CHIC1: variants seen among roughly 807,000 people sequenced by gnomAD.
The protein encoded by CHIC1 is cysteine-rich hydrophobic domain-containing protein 1.
Under a neutral mutation model 18.5 loss-of-function variants are expected in CHIC1, and 7 were observed. The observed-to-expected ratio is 0.38, with a 90% CI of 0.22 to 0.71. The LOEUF is 0.71. CHIC1 is among the 30% of genes least tolerant of loss of function. The pLI, the probability that CHIC1 is intolerant of heterozygous loss-of-function variation, is 0.49. For synonymous variants in CHIC1, 77 were observed against 73.5 expected, an observed-to-expected ratio of 1.05 and a Z score of -0.25; for missense variants, 159 against 176.9, an observed-to-expected ratio of 0.90 and a Z score of 0.57.
intron 3 of CHIC1, among the ~76,000 whole-genome samples, chrX:73,617,573 C>A (rs2057738502): frequency 8.9e-6 from 1 of 111,950 alleles, no homozygotes; most frequent in Non-Finnish European, 1.9e-5. Context: ...CACAGTTCTA[C>A]ATGGCTAGGA....
At chrX:73,625,480 A>G (rs1190638145) in intron 3 of CHIC1, among the ~76,000 whole-genome samples, 1 of 111,489 alleles carries the variant, frequency 9.0e-6, no homozygotes, top group Non-Finnish European at 1.9e-5. Context: ...TTGCAGTGAC[A>G]TTTAATCAAA....
intron 2 of CHIC1, among the ~76,000 whole-genome samples, chrX:73,583,366 A>G (rs2057536548): frequency 9.0e-6 from 1 of 111,453 alleles, no homozygotes; most frequent in Non-Finnish European, 1.9e-5. Context: ...CAAAAATGTA[A>G]TAAATTGATT....
At chrX:73,654,704 C>T (rs1339389388) in intron 3 of CHIC1, among the ~76,000 whole-genome samples, 2 of 111,861 alleles carry the variant, frequency 1.8e-5, no homozygotes, top group Non-Finnish European at 3.8e-5. Context: ...GAATGAATCA[C>T]ATTTCACATT....
chrX:73,594,600 G>A (rs1272763738), intron 3 of CHIC1, among the ~76,000 whole-genome samples: 1 of 112,171 alleles, frequency 8.9e-6, no homozygotes, highest in African/African-American at 3.2e-5. Context: ...ACTCAGTAGT[G>A]TGCCTCTTTT....
At chrX:73,679,597 A>G (rs1267131706) in intron 4 of CHIC1, 57 bp from the exon 5 acceptor site, 1 of 755,785 alleles carries the variant, frequency 1.3e-6, no homozygotes, top group Non-Finnish European at 1.9e-6. Flanking sequence ...TCAAATGTAT[A>G]GGTTGTAATT....
chrX:73,671,694 G>C (rs2058031207), intron 3 of CHIC1, among the ~76,000 whole-genome samples: 1 of 107,521 alleles, frequency 9.3e-6, no homozygotes, highest in Non-Finnish European at 1.9e-5. Flanking sequence ...AATCTTGTTT[G>C]TTATCTTATA....
intron 3 of CHIC1, among the ~76,000 whole-genome samples, chrX:73,672,889 A>G (rs1280276841): frequency 3.6e-5 from 4 of 111,774 alleles, no homozygotes; most frequent in African/African-American, 9.8e-5. Flanking sequence ...TAGGGTTTCT[A>G]TGGTTTTAGG....
intron 3 of CHIC1, among the ~76,000 whole-genome samples, chrX:73,604,225 A>G (rs1229057026): frequency 9.6e-6 from 1 of 103,630 alleles, no homozygotes; most frequent in Non-Finnish European, 1.9e-5. Context: ...TTCCTGGTTT[A>G]GTCTTGGGGG....
intron 3 of CHIC1, among the ~76,000 whole-genome samples, chrX:73,661,288 C>A (rs185407172): frequency 3.6e-5 from 4 of 112,323 alleles, no homozygotes; most frequent in Non-Finnish European, 1.9e-5. Context: ...GATACATGAA[C>A]ATATCTTAGT....
In CHIC1 at chrX:73,682,540, C is replaced by G. The variant is rs1304701427; in HGVS notation, c.*1535C>G. 1 of 111,857 alleles carries G rather than the reference C, an allele frequency of 8.9e-6. No homozygotes were observed. The highest frequency in any genetic ancestry group is 9.5e-5 in the Admixed American group (1 of 10,481). The allele number at this position is 111,857 out of a possible 1,213,427, so 9.2% of individuals were successfully genotyped here. On this transcript the variant is annotated 3_prime_UTR_variant, in exon 6 of 6. Transcript: ENST00000373502. ...GAACAATCATTTCTTCATAGAAGGT[C>G]AAGCCTTTTTAAGCCACTCTTAAAA...
In CHIC1 at chrX:73,563,567, G is replaced by T; in HGVS notation, c.283G>T (p.Gly95Cys). The stretch of plus-strand genomic sequence containing the variant: ...CGACCCTGTATTAGTGCGGGGTGCC[G>T]GCCACATCACTGTGTAAGCGAGAGG... ...APDPVLVRGA[G>C]HITVFGLSNK... Residue 95 changes from glycine to cysteine, a missense_variant, in exon 1 of 6, where the codon GGC (glycine) becomes TGC (cysteine). Transcript: ENST00000373502. 1 of 1,103,475 alleles carries T rather than the reference G, an allele frequency of 9.1e-7. No homozygotes were observed. The highest frequency in any genetic ancestry group is 1.2e-6 in the Non-Finnish European group (1 of 841,556). The allele number at this position is 1,103,475 out of a possible 1,213,427, so 90.9% of individuals were successfully genotyped here. A position where few individuals can be genotyped will look rare whatever the true frequency, so the allele number is the denominator to read the frequency against.
intron 3 of CHIC1, among the ~76,000 whole-genome samples, chrX:73,656,983 T>C (rs1421354903): frequency 9.0e-6 from 1 of 111,154 alleles, no homozygotes; most frequent in African/African-American, 3.3e-5. Flanking sequence ...CTTTGAGCAG[T>C]GTTTTGTAGC....
intron 3 of CHIC1, among the ~76,000 whole-genome samples, chrX:73,626,782 T>A (rs927165162): frequency 9.0e-6 from 1 of 111,367 alleles, no homozygotes; most frequent in Non-Finnish European, 1.9e-5. Context: ...TCTCTGTTTC[T>A]CCAGGTTTGG....
At chrX:73,649,598 AT>A (rs764243467) in intron 3 of CHIC1, among the ~76,000 whole-genome samples, 194 of 112,220 alleles carry the variant, frequency 1.7e-3, no homozygotes, top group Non-Finnish European at 3.2e-3. Flanking sequence ...AAAGAAGGAC[AT>A]TACATAATGC....
rs1442194326 is a variant in CHIC1, at chrX:73,655,490, TTG to T, written c.508-23832_508-23831del. On this transcript the variant is annotated intron_variant, in intron 3 of 5. Coordinates refer to ENST00000373502, the MANE Select transcript of CHIC1 (RefSeq NM_001039840.4). ...TATATATATACATATATACACAATA[TTG>T]TGTATATATATATACATATATACAC... Among the ~76,000 whole-genome samples, 11 of 67,002 alleles carry T rather than the reference TTG, an allele frequency of 1.6e-4. 1 individual carries two copies. Among genetic ancestry groups the T allele is most frequent in the African/African-American group, 2.8e-4 (5 of 17,917 alleles). 58.2% of individuals were successfully genotyped at this position (67,002 alleles called of 115,157 possible). A position where few individuals can be genotyped will look rare whatever the true frequency, so the allele number is the denominator to read the frequency against.
At chrX:73,649,047 A>G (rs775988773) in intron 3 of CHIC1, among the ~76,000 whole-genome samples, 1 of 112,226 alleles carries the variant, frequency 8.9e-6, no homozygotes, top group South Asian at 3.7e-4. Flanking sequence ...CCAATATTCA[A>G]CATTCTAAAA....
At position 73,681,050 on chromosome X, in the gene CHIC1, C is replaced by T. The variant is rs750207232; in HGVS notation, c.*45C>T. 4 of 774,843 alleles carry T rather than the reference C, an allele frequency of 5.2e-6. No homozygotes were observed. In the African/African-American group the frequency reaches 8.5e-5, roughly 17 times the overall value. The allele number at this position is 774,843 out of a possible 1,213,427, so 63.9% of individuals were successfully genotyped here. ...TCTGTGTTACCTGTCATTTCCTACC[C>T]TTAGTGCCTTGTAGATTTGGAATGA... On this transcript the variant is annotated 3_prime_UTR_variant, in exon 6 of 6. Transcript: ENST00000373502.
intron 3 of CHIC1, among the ~76,000 whole-genome samples, chrX:73,639,528 A>G (rs144288198): frequency 3.0e-3 from 339 of 111,747 alleles, no homozygotes; most frequent in Non-Finnish European, 4.8e-3. Context: ...ATTAGGTTCA[A>G]TTTGTCCATT....
At chrX:73,659,370 CTTTTTTTTTTTTT>C (rs149705423) in intron 3 of CHIC1, among the ~76,000 whole-genome samples, 4 of 35,183 alleles carry the variant, frequency 1.1e-4, no homozygotes. Flanking sequence ...TTCCCCTTTT[CTTTTTTTTTTTTT>C]TTTTTTTTTT....
Sources: allele counts gnomAD v4.1 joint callset (sites outside exome capture counted in the v4.1 genomes callset), GRCh38; gene constraint gnomAD v4.1.1; transcripts MANE v1.5; gene names NCBI Gene and HGNC (gene_info 2026-07-23, HGNC 2026-07-21).